The following SPAG16 variants were observed in gnomAD, a reference collection of about 807,000 sequenced individuals.
The protein encoded by SPAG16 is sperm associated antigen 16.
In SPAG16, 86 loss-of-function variants were observed where a neutral mutation model predicts 80.4. The ratio of observed to expected loss-of-function variants is 1.07; its 90% CI spans 0.90 to 1.28. The LOEUF (loss-of-function observed/expected upper bound fraction) is 1.28, where lower values mean the gene tolerates loss of function less well. Among genes scored for constraint, SPAG16 ranks in the 50% most tolerant of loss-of-function variants. The pLI is 0.00. For synonymous variants in SPAG16, 294 were observed against 265.9 expected, an observed-to-expected ratio of 1.11 and a Z score of -1.03; for missense variants, 870 against 765.3, an observed-to-expected ratio of 1.14 and a Z score of -1.61.
chr2:213,458,617 C>T (rs1188722216), intron 9 of SPAG16, among the ~76,000 whole-genome samples: 1 of 152,088 alleles, frequency 6.6e-6, no homozygotes, highest in South Asian at 2.1e-4. Context: ...CTATTCACAA[C>T]ACATTATTTC....
intron 9 of SPAG16, among the ~76,000 whole-genome samples, chr2:213,418,711 A>G (rs2069410576): frequency 6.6e-6 from 1 of 152,178 alleles, no homozygotes. Context: ...GGATTACTGT[A>G]AAAGGCTTCT....
intron 9 of SPAG16, among the ~76,000 whole-genome samples, chr2:213,433,328 T>C (rs1235447879): frequency 1.3e-5 from 2 of 152,224 alleles, no homozygotes; most frequent in Non-Finnish European, 2.9e-5. Context: ...TATTCATTGA[T>C]GATCTTATAC....
intron 9 of SPAG16, among the ~76,000 whole-genome samples, chr2:213,419,371 C>T (rs986660977): frequency 2.6e-5 from 4 of 152,124 alleles, no homozygotes; most frequent in South Asian, 2.1e-4. Flanking sequence ...GCCCTTTCCA[C>T]GCTCCTCATT....
chr2:213,498,844 T>G (rs1423805716), intron 10 of SPAG16, among the ~76,000 whole-genome samples: 1 of 152,112 alleles, frequency 6.6e-6, no homozygotes, highest in African/African-American at 2.4e-5. Flanking sequence ...GCCTGTGTAT[T>G]TTATGTCCAA....
At chr2:213,391,602 A>C (rs1371318967) in intron 9 of SPAG16, among the ~76,000 whole-genome samples, 1 of 152,222 alleles carries the variant, frequency 6.6e-6, no homozygotes, top group East Asian at 1.9e-4. Context: ...AATATATGTA[A>C]GATATCTAAC....
Position 213,765,465 on chromosome 2 carries a change from A to G in SPAG16, c.1071-97020A>G, listed in dbSNP as rs577860042. ...AAGAATGGAGATAGAAAAAGCAAGC[A>G]GATTCCCAATTATGGAATGCCTTCT... On this transcript the variant is annotated intron_variant, in intron 10 of 15. Transcript: ENST00000331683. Among the ~76,000 whole-genome samples, 5 of 152,342 alleles carry G rather than the reference A, an allele frequency of 3.3e-5. No individual in the cohort carries two copies. The East Asian group carries it at 9.6e-4, about 29-fold the overall frequency.
Position 213,561,079 on chromosome 2 carries a change from G to T in SPAG16, c.1070+70989G>T, listed in dbSNP as rs189782440. 7.4e-4 allele frequency among the ~76,000 whole-genome samples: 112 copies of T among 152,286 alleles called. 1 individual carries two copies. The highest frequency in any genetic ancestry group is 1.3e-3 in the Non-Finnish European group (91 of 68,014). The stretch of plus-strand genomic sequence containing the variant: ...AGGTTTCAATATGTTGGCAAGGCTG[G>T]TCTCGAACTCCTGACCTCAAGTGAT... On this transcript the variant is annotated intron_variant, in intron 10 of 15. Transcript: ENST00000331683.
intron 10 of SPAG16, among the ~76,000 whole-genome samples, chr2:213,637,165 G>A (rs7589993): frequency 6.6e-6 from 1 of 152,032 alleles, no homozygotes; most frequent in South Asian, 2.1e-4. Flanking sequence ...AATCATAAAG[G>A]CATGCTGGAT....
intron 15 of SPAG16, among the ~76,000 whole-genome samples, chr2:214,260,949 G>A (rs1035956127): frequency 1.3e-5 from 2 of 151,048 alleles, no homozygotes; most frequent in African/African-American, 4.9e-5. Flanking sequence ...TCTACTAAAA[G>A]TACAAAAATT....
chr2:213,607,296 A>G (rs563781140), intron 10 of SPAG16, among the ~76,000 whole-genome samples: 1 of 152,362 alleles, frequency 6.6e-6, no homozygotes, highest in South Asian at 2.1e-4. Context: ...AAGCAAATCA[A>G]TAATTTTTAG....
At position 213,737,161 on chromosome 2, in the gene SPAG16, A is replaced by T. The variant is rs1158708390; in HGVS notation, c.1071-125324A>T. Among the ~76,000 whole-genome samples, 3 of 152,270 alleles carry T rather than the reference A, an allele frequency of 2.0e-5. No individual in the cohort carries two copies. The East Asian group carries it at 5.8e-4, about 29-fold the overall frequency. ...TTCTATAGAAAATCTATGAATTGTG[A>T]TTGCAGTTTTATGGCTGATAACTTT... On this transcript the variant is annotated intron_variant, in intron 10 of 15. Transcript: ENST00000331683.
intron 10 of SPAG16, among the ~76,000 whole-genome samples, chr2:213,825,291 G>T (rs1459516536): frequency 2.6e-5 from 4 of 152,038 alleles, no homozygotes; most frequent in African/African-American, 9.7e-5. Flanking sequence ...GTGGGCATCT[G>T]TGTCATATTC....
At chr2:214,119,675 G>C (rs1446662421) in intron 14 of SPAG16, among the ~76,000 whole-genome samples, 1 of 151,886 alleles carries the variant, frequency 6.6e-6, no homozygotes, top group Non-Finnish European at 1.5e-5. Context: ...ATATTTATGA[G>C]ATATACCAAT....
chr2:213,426,787 ATGTT>A (rs2069948226), intron 9 of SPAG16, among the ~76,000 whole-genome samples: 1 of 118,194 alleles, frequency 8.5e-6, no homozygotes, highest in African/African-American at 3.1e-5. Flanking sequence ...GTGTGTGTGT[ATGTT>A]TATATTTAAA....
intron 11 of SPAG16, among the ~76,000 whole-genome samples, chr2:213,885,570 C>A (rs989801729): frequency 7.2e-5 from 11 of 152,120 alleles, no homozygotes; most frequent in African/African-American, 2.4e-4. Context: ...AACTGGTTTT[C>A]ATTTCCTTTC....
chr2:213,702,871 A>G (rs916752594), intron 10 of SPAG16, among the ~76,000 whole-genome samples: 4 of 152,316 alleles, frequency 2.6e-5, no homozygotes, highest in African/African-American at 7.2e-5. Flanking sequence ...GAAGCCTAAC[A>G]ATAGTACTAG....
rs763079910 is a variant in SPAG16 at position 213,976,281 on chromosome 2, CAT to C, written c.1401-37669_1401-37668del. On this transcript the variant is annotated intron_variant, in intron 12 of 15. Coordinates refer to ENST00000331683, the MANE Select transcript of SPAG16 (RefSeq NM_024532.5). ...ATACACACATATACATATGCGTACACATGTGTGCACATATGCATACACATGTG... is the reference window on the plus strand; with the variant it reads ...ATACACACATATACATATGCGTACACGTGTGCACATATGCATACACATGTG... Among the ~76,000 whole-genome samples the C allele has an allele frequency of 9.9e-5, 15 of 150,916 alleles. No homozygotes were observed. The East Asian group carries it at 1.4e-3, about 14-fold the overall frequency.
At chr2:214,144,826 C>T (rs570351571) in intron 14 of SPAG16, among the ~76,000 whole-genome samples, 1 of 152,104 alleles carries the variant, frequency 6.6e-6, no homozygotes, top group Admixed American at 6.6e-5. Context: ...AACCAAGAAA[C>T]TACTTAGCTG....
At chr2:213,661,175 T>C (rs1441076795) in intron 10 of SPAG16, among the ~76,000 whole-genome samples, 1 of 152,208 alleles carries the variant, frequency 6.6e-6, no homozygotes, top group Non-Finnish European at 1.5e-5. Context: ...AAATATATGT[T>C]TGGTGTGCAT....
Sources: gnomAD v4.1 joint callset for allele counts (sites outside exome capture counted in the v4.1 genomes callset) on GRCh38, gnomAD v4.1.1 for gene constraint, MANE v1.5 for transcripts, NCBI Gene and HGNC (gene_info 2026-07-23, HGNC 2026-07-21) for gene names.